The following TMEM232 variants were observed in gnomAD, a reference collection of about 807,000 sequenced individuals.
TMEM232 encodes transmembrane protein 232.
TMEM232 carries 80 observed loss-of-function variants against 78.8 expected under a neutral mutation model. That is an observed-to-expected ratio of 1.01 (90% CI 0.85 to 1.22). The LOEUF is 1.22. TMEM232 is among the 50% of genes most tolerant of loss of function. The probability of loss-of-function intolerance (pLI) is 0.00; values close to 1 mark genes in which losing one functional copy is unlikely to be tolerated. For synonymous variants in TMEM232, 297 were observed against 254.3 expected (o/e 1.17, Z -1.60); for missense variants, 881 against 742.2 (o/e 1.19, Z -2.17).
At chr5:110,577,592 T>C (rs1396554616) in intron 10 of TMEM232, among the ~76,000 whole-genome samples, 1 of 152,078 alleles carries the variant, frequency 6.6e-6, no homozygotes, top group Admixed American at 6.6e-5. Flanking sequence ...TGCAGCACTA[T>C]TCACAGCAGC....
intron 1 of TMEM232, among the ~76,000 whole-genome samples, chr5:110,715,427 G>C: frequency 6.6e-6 from 1 of 152,092 alleles, no homozygotes; most frequent in South Asian, 2.1e-4. Flanking sequence ...ATTGATTTGT[G>C]GCTCACTAAA....
At chr5:110,540,148 T>C (rs764535668) in intron 11 of TMEM232, among the ~76,000 whole-genome samples, 1 of 152,194 alleles carries the variant, frequency 6.6e-6, no homozygotes, top group African/African-American at 2.4e-5. Context: ...TCTCCTTGTA[T>C]GTAGCAGAGA....
chr5:110,565,260 A>G lies in TMEM232; in HGVS notation c.1455+3187T>C, dbSNP rs1163473907. On this transcript the variant is annotated intron_variant, in intron 11 of 13. Transcript: ENST00000455884. ...TTATCTCAGTATATTTTATTTATTT[A>G]CCAAAAACTTTAAATGTTTTATAAC... Among the ~76,000 whole-genome samples, 3 of 151,974 alleles carry G rather than the reference A, an allele frequency of 2.0e-5. No individual in the cohort carries two copies. The East Asian group carries it at 5.8e-4, about 29-fold the overall frequency.
At chr5:110,450,290 G>C (rs899200336) in intron 12 of TMEM232, among the ~76,000 whole-genome samples, 3 of 152,002 alleles carry the variant, frequency 2.0e-5, no homozygotes, top group African/African-American at 7.3e-5. Context: ...TTATTTTTTA[G>C]CTCTTCTCCG....
intron 12 of TMEM232, among the ~76,000 whole-genome samples, chr5:110,465,578 T>C (rs1017166772): frequency 6.6e-6 from 1 of 152,224 alleles, no homozygotes; most frequent in Non-Finnish European, 1.5e-5. Context: ...TATTTTGGTA[T>C]ATAAATAGAC....
intron 1 of TMEM232, among the ~76,000 whole-genome samples, chr5:110,736,351 T>C (rs138516964): frequency 0.012 from 1,824 of 152,254 alleles, 14 homozygotes; most frequent in African/African-American, 0.021. Flanking sequence ...TTGCTCTAAT[T>C]TTTTTCTAAA....
intron 2 of TMEM232, among the ~76,000 whole-genome samples, chr5:110,662,308 T>G (rs186532086): frequency 6.6e-6 from 1 of 152,114 alleles, no homozygotes. Flanking sequence ...ATGAGAATGC[T>G]GGACAATACC....
chr5:110,589,074 A>G (rs191746304), intron 10 of TMEM232, among the ~76,000 whole-genome samples: 2 of 152,256 alleles, frequency 1.3e-5, no homozygotes, highest in Admixed American at 6.5e-5. Context: ...GGCATTTCAA[A>G]TTTGAAAGAT....
chr5:110,650,448 G>C (rs1788149008), intron 2 of TMEM232, among the ~76,000 whole-genome samples: 1 of 152,012 alleles, frequency 6.6e-6, no homozygotes, highest in South Asian at 2.1e-4. Flanking sequence ...AAAAAACAAG[G>C]AACACTGCTC....
chr5:110,644,443 T>A (rs1219746987), intron 2 of TMEM232, among the ~76,000 whole-genome samples: 2 of 151,846 alleles, frequency 1.3e-5, no homozygotes, highest in African/African-American at 4.8e-5. Context: ...CAGAGATGCA[T>A]GATGAAAAAG....
intron 11 of TMEM232, among the ~76,000 whole-genome samples, chr5:110,547,623 T>A (rs1345287900): frequency 6.6e-6 from 1 of 152,108 alleles, no homozygotes; most frequent in Admixed American, 6.6e-5. Flanking sequence ...AACACAGCAA[T>A]TGGACACCTG....
intron 12 of TMEM232, among the ~76,000 whole-genome samples, chr5:110,510,696 A>G (rs10037802): frequency 0.33 from 49,451 of 152,124 alleles, 13,998 homozygotes; most frequent in African/African-American, 0.76. Flanking sequence ...ATGAAAAAAA[A>G]CTCATCATCA....
chr5:110,719,197 G>GTA (rs543664520), intron 1 of TMEM232, among the ~76,000 whole-genome samples: 17 of 151,128 alleles, frequency 1.1e-4, no homozygotes, highest in East Asian at 7.8e-4. Flanking sequence ...ATGTATATAT[G>GTA]TATATATATG....
In TMEM232 at chr5:110,625,348, T is replaced by C. The variant is rs2149934528; in HGVS notation, c.687A>G (p.Ile229Met). The change falls in exon 7 of 14, where the codon ATA becomes ATG. Residue 229 changes from isoleucine (I) to methionine (M), a missense_variant. Physicochemically the swap from Ile to Met is conservative, Grantham distance 10. Transcript: ENST00000455884. ...ATTCAGAACGGAGTTCTCTTTTACCTATAATTTCCGAGGCTTTCAGGATGA... is the reference window on the plus strand; with the variant it reads ...ATTCAGAACGGAGTTCTCTTTTACCCATAATTTCCGAGGCTTTCAGGATGA... ...VQFILKASEI[I>M]GKRELRSESI... 2 of 1,548,226 alleles carry C rather than the reference T, an allele frequency of 1.3e-6. No homozygotes were observed. Among genetic ancestry groups the C allele is most frequent in the Non-Finnish European group, 8.7e-7 (1 of 1,144,912 alleles).
At chr5:110,425,058 T>A (rs1757089680) in intron 12 of TMEM232, 142 bp from the exon 13 acceptor site, 1 of 691,450 alleles carries the variant, frequency 1.4e-6, no homozygotes, top group East Asian at 2.9e-5. Flanking sequence ...TAGACTATGG[T>A]ATGTTAGCTT....
chr5:110,398,043 A>G (rs1755455346), intron 2 of TMEM232, among the ~76,000 whole-genome samples: 1 of 152,172 alleles, frequency 6.6e-6, no homozygotes, highest in Non-Finnish European at 1.5e-5. Context: ...TAAAATTCAC[A>G]AACTATCTCC....
intron 5 of TMEM232, among the ~76,000 whole-genome samples, chr5:110,634,140 G>A (rs1171049259): frequency 1.3e-5 from 2 of 151,986 alleles, no homozygotes; most frequent in Non-Finnish European, 2.9e-5. Context: ...TCCAGGAAGA[G>A]GATATTATAA....
intron 1 of TMEM232, among the ~76,000 whole-genome samples, chr5:110,704,567 T>C (rs936005537): frequency 2.2e-4 from 33 of 152,108 alleles, no homozygotes; most frequent in Non-Finnish European, 2.9e-5. Context: ...CTGCTTTGCT[T>C]GATTCCCATT....
intron 12 of TMEM232, among the ~76,000 whole-genome samples, chr5:110,450,985 A>G (rs560633888): frequency 2.9e-4 from 44 of 151,884 alleles, no homozygotes; most frequent in African/African-American, 9.9e-4. Context: ...TAGGTCCTCC[A>G]AGGAAAGATC....
Sources: gnomAD v4.1 joint callset for allele counts (sites outside exome capture counted in the v4.1 genomes callset) on GRCh38, gnomAD v4.1.1 for gene constraint, MANE v1.5 for transcripts, NCBI Gene and HGNC (gene_info 2026-07-23, HGNC 2026-07-21) for gene names.